The following HVCN1 variants were observed in gnomAD, a reference collection of about 807,000 sequenced individuals.
The protein encoded by HVCN1 is hydrogen voltage gated channel 1, also known as voltage-gated hydrogen channel 1.
A neutral mutation model predicts 29.2 loss-of-function variants in HVCN1; 14 were observed. That is an observed-to-expected ratio of 0.48 (90% CI 0.32 to 0.75). The LOEUF (loss-of-function observed/expected upper bound fraction) is 0.75, where lower values mean the gene tolerates loss of function less well. Ranked by LOEUF, HVCN1 falls within the 30% of genes least tolerant of loss-of-function variation. The pLI, the probability that HVCN1 is intolerant of heterozygous loss-of-function variation, is 0.04. For missense variants in HVCN1, 263 were observed against 341.8 expected (o/e 0.77, Z 1.82); for synonymous variants, 131 against 133.2 (o/e 0.98, Z 0.11).
chr12:110,693,928 G>C (rs921818125), upstream of HVCN1, among the ~76,000 whole-genome samples: 1 of 152,210 alleles, frequency 6.6e-6, no homozygotes, highest in Admixed American at 6.5e-5. Flanking sequence ...ACTTGTTCCG[G>C]TTTGGGCAAT....
chr12:110,653,117 T>C (rs1049965529), intron 5 of HVCN1, among the ~76,000 whole-genome samples: 4 of 151,306 alleles, frequency 2.6e-5, no homozygotes, highest in Admixed American at 2.6e-4. Context: ...CTTCCAAGAG[T>C]CATTGTCATG....
At chr12:110,670,520 A>G (rs949349475) in intron 3 of HVCN1, among the ~76,000 whole-genome samples, 4 of 152,192 alleles carry the variant, frequency 2.6e-5, no homozygotes, top group African/African-American at 9.7e-5. Context: ...CCTTCCATGC[A>G]CTATTTCATT....
intron 3 of HVCN1, among the ~76,000 whole-genome samples, chr12:110,662,335 A>C (rs1180831596): frequency 6.6e-6 from 1 of 152,242 alleles, no homozygotes; most frequent in East Asian, 1.9e-4. Flanking sequence ...CAACTTAAAA[A>C]GTCTTAGAAC....
At chr12:110,678,439 C>CT (rs538999674) in intron 3 of HVCN1, among the ~76,000 whole-genome samples, 757 of 65,830 alleles carry the variant, frequency 0.011, 122 homozygotes, top group South Asian at 0.015. Flanking sequence ...CATTCTATTT[C>CT]TTTTTTTTTT....
At chr12:110,660,206 G>C (rs1305133715) in intron 4 of HVCN1, among the ~76,000 whole-genome samples, 1 of 151,506 alleles carries the variant, frequency 6.6e-6, no homozygotes, top group Non-Finnish European at 1.5e-5. Context: ...GTGAAACCCT[G>C]TCTCTACTAA....
rs917811869 is a variant in HVCN1 at position 110,649,099 on chromosome 12, C to T, written c.*311G>A. The T allele has an allele frequency of 3.2e-5, 20 of 624,674 alleles. No homozygotes were observed. The highest frequency in any genetic ancestry group is 4.8e-5 in the Non-Finnish European group (16 of 336,480). The allele number at this position is 624,674 out of a possible 1,614,324, so 38.7% of individuals were successfully genotyped here. Reference sequence around the variant, plus strand: ...ACGTGAAATTTGAAAACTGTACATTCGGTGAGATTAAATTTTATATACAAC... The same window carrying T: ...ACGTGAAATTTGAAAACTGTACATTTGGTGAGATTAAATTTTATATACAAC... On this transcript the variant is annotated 3_prime_UTR_variant, in exon 8 of 8. Coordinates refer to ENST00000242607, the MANE Select transcript of HVCN1 (RefSeq NM_032369.4).
intron 4 of HVCN1, among the ~76,000 whole-genome samples, chr12:110,657,310 A>T (rs1032757811): frequency 6.6e-6 from 1 of 152,186 alleles, no homozygotes; most frequent in Non-Finnish European, 1.5e-5. Context: ...CCTGGCTAAC[A>T]TAGTGAAACC....
rs1416724096 is a variant in HVCN1, at chr12:110,665,554, C to T, written c.22-4106G>A. Among the ~76,000 whole-genome samples, 9 of 136,702 alleles carry T rather than the reference C, an allele frequency of 6.6e-5. No homozygotes were observed. In the East Asian group the frequency reaches 8.0e-4, roughly 12 times the overall value. 89.7% of individuals were successfully genotyped at this position (136,702 alleles called of 152,430 possible). On this transcript the variant is annotated intron_variant, in intron 3 of 7. Transcript: ENST00000242607. ...CTGGACAACAAGAGTGAAACTCCAT[C>T]TCAAAAAAAAAAAAAAGACTAAAAA...
rs140027261 is a variant in HVCN1 at position 110,658,216 on chromosome 12, T to A, written c.307-2878A>T. On this transcript the variant is annotated intron_variant, in intron 4 of 7. Coordinates refer to ENST00000242607, the MANE Select transcript of HVCN1 (RefSeq NM_032369.4). The surrounding 1 kb of genome is among the most constrained non-coding windows in gnomAD (Gnocchi z 5.0). ...ATCCCATGTAAGAAGGGACCTCAATTAACTATTAATATATCAAGCACCTTG... is the reference window on the plus strand; with the variant it reads ...ATCCCATGTAAGAAGGGACCTCAATAAACTATTAATATATCAAGCACCTTG... 6.2e-4 allele frequency among the ~76,000 whole-genome samples: 94 copies of A among 151,942 alleles called. No individual in the cohort carries two copies. In the East Asian group the frequency reaches 0.016, roughly 26 times the overall value.
At chr12:110,664,644 T>G (rs2068282551) in intron 3 of HVCN1, among the ~76,000 whole-genome samples, 1 of 152,220 alleles carries the variant, frequency 6.6e-6, no homozygotes, top group Non-Finnish European at 1.5e-5. Flanking sequence ...ACCCTGGCTT[T>G]GTGCCTGGAG....
intron 5 of HVCN1, among the ~76,000 whole-genome samples, chr12:110,653,793 GAT>G (rs1274271026): frequency 1.3e-5 from 2 of 151,374 alleles, no homozygotes; most frequent in East Asian, 4.0e-4. Flanking sequence ...AGTGAGATGA[GAT>G]AGTGCCACTG....
At chr12:110,671,740 C>T (rs1007619472) in intron 3 of HVCN1, among the ~76,000 whole-genome samples, 9 of 152,214 alleles carry the variant, frequency 5.9e-5, no homozygotes, top group Admixed American at 5.9e-4. Flanking sequence ...TGGAGAAAGC[C>T]CGATTCTGCA....
intron 3 of HVCN1, among the ~76,000 whole-genome samples, chr12:110,663,101 G>A (rs974991796): frequency 3.9e-5 from 6 of 152,160 alleles, no homozygotes; most frequent in African/African-American, 2.4e-5. Context: ...CGGTGAGGGC[G>A]TGAAGCAATG....
At chr12:110,700,466 G>A (rs1214922699) in intron 2 of HVCN1, among the ~76,000 whole-genome samples, 1 of 152,174 alleles carries the variant, frequency 6.6e-6, no homozygotes, top group Non-Finnish European at 1.5e-5. Context: ...TTGTAGAAGA[G>A]TGAGTATCTT....
intron 3 of HVCN1, among the ~76,000 whole-genome samples, chr12:110,680,799 G>A (rs765154652): frequency 6.6e-5 from 10 of 151,972 alleles, no homozygotes; most frequent in South Asian, 2.1e-4. Context: ...AGATGGTGGC[G>A]CACACCTGTA....
chr12:110,691,919 A>G (rs1445750229), upstream of HVCN1, among the ~76,000 whole-genome samples: 1 of 152,232 alleles, frequency 6.6e-6, no homozygotes, highest in Non-Finnish European at 1.5e-5. Context: ...ACCTATGTCC[A>G]TACTTTTTGG....
chr12:110,662,709 C>T (rs184777280), intron 3 of HVCN1, among the ~76,000 whole-genome samples: 76 of 152,156 alleles, frequency 5.0e-4, no homozygotes, highest in African/African-American at 1.8e-3. Flanking sequence ...TGTCTCAAAA[C>T]ACAAACAAAC....
At chr12:110,654,780 A>G (rs2067932982) in intron 5 of HVCN1, among the ~76,000 whole-genome samples, 1 of 152,162 alleles carries the variant, frequency 6.6e-6, no homozygotes. Flanking sequence ...ATGCCCAACC[A>G]GGGATGATTT....
chr12:110,700,069 T>C (rs2069548394), intron 2 of HVCN1, among the ~76,000 whole-genome samples: 1 of 152,210 alleles, frequency 6.6e-6, no homozygotes, highest in South Asian at 2.1e-4. Flanking sequence ...TCCGAGGAAT[T>C]GCCCAGAGTG....
Sources: allele counts gnomAD v4.1 joint callset (sites outside exome capture counted in the v4.1 genomes callset), GRCh38; gene constraint gnomAD v4.1.1; non-coding constraint Gnocchi (gnomAD v3.1); transcripts MANE v1.5; gene names NCBI Gene and HGNC (gene_info 2026-07-23, HGNC 2026-07-21).